Variants in RCOR1 observed in about 807,000 individuals in gnomAD.
RCOR1 encodes the protein REST corepressor.
RCOR1 carries 12 observed loss-of-function variants against 64.0 expected under a neutral mutation model. That is an observed-to-expected ratio of 0.19 (90% confidence interval 0.12 to 0.30). RCOR1 has a LOEUF of 0.30. Ranked by LOEUF, RCOR1 falls within the 10% of genes least tolerant of loss-of-function variation. The probability of loss-of-function intolerance (pLI) is 1.00; values close to 1 mark genes in which losing one functional copy is unlikely to be tolerated. For missense variants in RCOR1, 502 were observed against 621.2 expected, an observed-to-expected ratio of 0.81 and a Z score of 2.04; for synonymous variants, 279 against 227.2, an observed-to-expected ratio of 1.23 and a Z score of -2.05.
chr14:102,629,238 G>A (rs1894051282), intron 2 of RCOR1, among the ~76,000 whole-genome samples: 1 of 152,100 alleles, frequency 6.6e-6, no homozygotes. Context: ...TCTCATGAGG[G>A]TTTTCCTCAT....
chr14:102,639,493 T>A (rs1005458491), intron 2 of RCOR1, among the ~76,000 whole-genome samples: 9 of 144,730 alleles, frequency 6.2e-5, no homozygotes, highest in Non-Finnish European at 1.4e-4. Context: ...ATTTATTTTT[T>A]AATTTTTATT....
chr14:102,693,967 A>G (rs191502875), intron 3 of RCOR1, among the ~76,000 whole-genome samples: 93 of 152,254 alleles, frequency 6.1e-4, no homozygotes, highest in African/African-American at 2.0e-3. Context: ...CTGGGATTAC[A>G]GGCTATAAGT....
chr14:102,711,914 A>G (rs753057648), intron 7 of RCOR1, among the ~76,000 whole-genome samples: 2 of 152,216 alleles, frequency 1.3e-5, no homozygotes, highest in African/African-American at 4.8e-5. Context: ...ATATGCCTGT[A>G]TATTCATAAT....
intron 2 of RCOR1, among the ~76,000 whole-genome samples, chr14:102,680,131 A>G (rs895180925): frequency 1.3e-5 from 2 of 151,704 alleles, no homozygotes; most frequent in African/African-American, 4.8e-5. Context: ...TCCCTAAGTT[A>G]TTTCATATTT....
At chr14:102,652,839 C>T (rs1035505971) in intron 2 of RCOR1, among the ~76,000 whole-genome samples, 2 of 152,044 alleles carry the variant, frequency 1.3e-5, no homozygotes, top group African/African-American at 2.4e-5. Flanking sequence ...GAATGTGTAT[C>T]GGGAAGATTT....
intron 2 of RCOR1, among the ~76,000 whole-genome samples, chr14:102,635,658 CAT>C (rs1491220450): frequency 2.6e-5 from 4 of 152,012 alleles, no homozygotes; most frequent in Non-Finnish European, 4.4e-5. Flanking sequence ...CAAGTTGACA[CAT>C]TTTTTTTTCT....
At chr14:102,691,923 A>G (rs1308459230) in intron 3 of RCOR1, among the ~76,000 whole-genome samples, 1 of 152,194 alleles carries the variant, frequency 6.6e-6, no homozygotes, top group Admixed American at 6.5e-5. Flanking sequence ...CCCATCTAGA[A>G]TATATATGCT....
chr14:102,641,682 G>T (rs1894373248), intron 2 of RCOR1, among the ~76,000 whole-genome samples: 1 of 152,140 alleles, frequency 6.6e-6, no homozygotes, highest in Non-Finnish European at 1.5e-5. Context: ...ATTTGGGGAA[G>T]TAATTGCTGT....
chr14:102,620,938 A>G (rs908304379), intron 2 of RCOR1, among the ~76,000 whole-genome samples: 24 of 152,172 alleles, frequency 1.6e-4, no homozygotes, highest in Non-Finnish European at 2.2e-4. Context: ...ATGACTTAAA[A>G]ACAATCTAAA....
At chr14:102,678,754 A>G (rs1895243007) in intron 2 of RCOR1, among the ~76,000 whole-genome samples, 1 of 152,208 alleles carries the variant, frequency 6.6e-6, no homozygotes, top group African/African-American at 2.4e-5. Context: ...CCAGCAGTGT[A>G]TGAGAATTTC....
intron 3 of RCOR1, among the ~76,000 whole-genome samples, chr14:102,691,449 A>G (rs1218515259): frequency 6.6e-6 from 1 of 152,168 alleles, no homozygotes; most frequent in East Asian, 1.9e-4. Flanking sequence ...ATTCTAAAAT[A>G]AAAAGTTGAG....
intron 2 of RCOR1, among the ~76,000 whole-genome samples, chr14:102,635,232 G>A (rs1026352405): frequency 6.6e-6 from 1 of 152,104 alleles, no homozygotes; most frequent in Non-Finnish European, 1.5e-5. Context: ...TGCTGCACAC[G>A]GCGGCTCATG....
chr14:102,622,452 C>CTG (rs1893894098), intron 2 of RCOR1, among the ~76,000 whole-genome samples: 1 of 152,202 alleles, frequency 6.6e-6, no homozygotes, highest in African/African-American at 2.4e-5. Context: ...TCTTGTGCTT[C>CTG]TTTCTGAGTT....
chr14:102,692,472 C>CAT lies in RCOR1; in HGVS notation c.446-8806_446-8805insAT, dbSNP rs71119731. Reference sequence around the variant, plus strand: ...ACACACACACACACACACACACACACGCTTATTTTTATTATTAAAAATAGC... The same window carrying CAT: ...ACACACACACACACACACACACACACATGCTTATTTTTATTATTAAAAATAGC... On this transcript the variant is annotated intron_variant, in intron 3 of 11. Coordinates refer to ENST00000262241, the MANE Select transcript of RCOR1 (RefSeq NM_015156.4). Among the ~76,000 whole-genome samples, 11 of 151,140 alleles carry CAT rather than the reference C, an allele frequency of 7.3e-5. No homozygotes were observed. The East Asian group carries it at 1.6e-3, about 21-fold the overall frequency.
chr14:102,707,287 G>A, intron 4 of RCOR1, 64 bp from the exon 5 acceptor site: 5 of 1,327,684 alleles, frequency 3.8e-6, no homozygotes, highest in Non-Finnish European at 5.2e-6. Context: ...TTCTTTTGCT[G>A]GTCTCATTTC....
intron 2 of RCOR1, among the ~76,000 whole-genome samples, chr14:102,639,915 C>T (rs904874839): frequency 2.6e-5 from 4 of 151,864 alleles, no homozygotes; most frequent in Non-Finnish European, 5.9e-5. Flanking sequence ...GGCATGACCT[C>T]GGCTCACTGC....
intron 2 of RCOR1, among the ~76,000 whole-genome samples, chr14:102,634,471 G>A (rs1894190406): frequency 6.6e-6 from 1 of 152,030 alleles, no homozygotes; most frequent in South Asian, 2.1e-4. Context: ...GACTGAACAA[G>A]TCACTTGTCA....
chr14:102,592,763 G>A lies in RCOR1; in HGVS notation c.-124G>A. The A allele has an allele frequency of 8.3e-7, 1 of 1,211,408 alleles. No individual in the cohort carries two copies. Among genetic ancestry groups the A allele is most frequent in the Non-Finnish European group, 1.0e-6 (1 of 975,228 alleles). 75.0% of individuals were successfully genotyped at this position (1,211,408 alleles called of 1,614,324 possible). On this transcript the variant is annotated 5_prime_UTR_variant, in exon 1 of 12. Transcript: ENST00000262241. ...TGGGCCTCCCCCGACTCGGACTCGC[G>A]CCCGTGGGCTCCCGCCGCGCCCGCC... is the stretch of plus-strand genomic sequence containing the variant.
intron 2 of RCOR1, among the ~76,000 whole-genome samples, chr14:102,619,057 G>A (rs1292628302): frequency 6.6e-6 from 1 of 152,160 alleles, no homozygotes. Context: ...GAACAGGTAG[G>A]CATGGACCCT....
Sources: gnomAD v4.1 joint callset for allele counts (sites outside exome capture counted in the v4.1 genomes callset) on GRCh38, gnomAD v4.1.1 for gene constraint, MANE v1.5 for transcripts, NCBI Gene and HGNC (gene_info 2026-07-23, HGNC 2026-07-21) for gene names.